Variants in SERINC2 observed in about 807,000 individuals in gnomAD.
SERINC2 encodes the protein serine incorporator 2, also known as tumor differentially expressed protein 2.
Under a neutral mutation model 54.2 loss-of-function variants are expected in SERINC2, and 56 were observed. The observed-to-expected ratio is 1.03, with a 90% CI of 0.83 to 1.29. SERINC2 has a LOEUF of 1.29. SERINC2 is among the 50% of genes most tolerant of loss of function. The pLI, the probability that SERINC2 is intolerant of heterozygous loss-of-function variation, is 0.00. For synonymous variants in SERINC2, 272 were observed against 253.1 expected, an observed-to-expected ratio of 1.07 and a Z score of -0.71; for missense variants, 614 against 607.4, an observed-to-expected ratio of 1.01 and a Z score of -0.12.
intron 8 of SERINC2, among the ~76,000 whole-genome samples, chr1:31,432,478 G>A (rs1207814589): frequency 2.0e-5 from 3 of 152,016 alleles, no homozygotes; most frequent in Non-Finnish European, 4.4e-5. Flanking sequence ...AAAACCACCT[G>A]ACACTAATAA....
intron 1 of SERINC2, among the ~76,000 whole-genome samples, chr1:31,417,420 T>C (rs782704802): frequency 1.3e-5 from 2 of 152,158 alleles, no homozygotes; most frequent in African/African-American, 2.4e-5. Flanking sequence ...TCAGCTGCCC[T>C]GAAAATACAG....
intron 1 of SERINC2, among the ~76,000 whole-genome samples, chr1:31,423,029 C>T (rs1381466104): frequency 6.6e-6 from 1 of 152,198 alleles, no homozygotes; most frequent in Admixed American, 6.5e-5. Context: ...TGGTACTATG[C>T]CAAACACTTC....
chr1:31,433,120 C>T lies in SERINC2; in HGVS notation c.1167C>T (p.Ser389=), dbSNP rs1553135071. 1.2e-6 allele frequency: 2 copies of T among 1,613,648 alleles called. No individual in the cohort carries two copies. The highest frequency in any genetic ancestry group is 8.5e-7 in the Non-Finnish European group (1 of 1,179,960). The part of the protein sequence containing the change: ...NEQDGVTYSY[S]FFHFCLVLAS... ...AGGACGGCGTCACCTACAGCTACTC[C>T]TTCTTCCACTTCTGCCTGGTGCTGG... The change falls in exon 9 of 10, where the codon TCC becomes TCT. Residue 389 remains serine, a synonymous_variant. Coordinates refer to ENST00000373709, the MANE Select transcript of SERINC2 (RefSeq NM_178865.5).
At chr1:31,425,001 C>G (rs1570045884) in intron 3 of SERINC2, 128 bp downstream of exon 3, 4 of 716,820 alleles carry the variant, frequency 5.6e-6, no homozygotes, top group East Asian at 5.4e-5. Context: ...GCATGGAGAA[C>G]AGCTCTGAGT....
chr1:31,423,052 C>A (rs529702044), intron 1 of SERINC2, among the ~76,000 whole-genome samples: 1 of 152,370 alleles, frequency 6.6e-6, no homozygotes, highest in African/African-American at 2.4e-5. Flanking sequence ...ATTCCTTCAA[C>A]AGATAGCCTG....
chr1:31,418,574 C>T (rs1196728234), intron 1 of SERINC2, among the ~76,000 whole-genome samples: 2 of 152,132 alleles, frequency 1.3e-5, no homozygotes, highest in African/African-American at 4.8e-5. Context: ...CGGGGTTTCA[C>T]CATGTTGGCA....
At chr1:31,430,462 A>T (rs544953908) in intron 8 of SERINC2, among the ~76,000 whole-genome samples, 1 of 151,964 alleles carries the variant, frequency 6.6e-6, no homozygotes, top group East Asian at 1.9e-4. Flanking sequence ...GCTTGGGCCC[A>T]GGAGTTCAAG....
At chr1:31,432,195 A>C (rs373148352) in intron 8 of SERINC2, among the ~76,000 whole-genome samples, 3 of 25,152 alleles carry the variant, frequency 1.2e-4, no homozygotes, top group African/African-American at 3.3e-4. Flanking sequence ...GGGTGGTTAG[A>C]GTGGAGAGAG....
chr1:31,425,877 A>G lies in SERINC2; in HGVS notation c.574A>G (p.Lys192Glu). 1 of 1,613,072 alleles carries G rather than the reference A, an allele frequency of 6.2e-7. No individual in the cohort carries two copies. Among genetic ancestry groups the G allele is most frequent in the Non-Finnish European group, 8.5e-7 (1 of 1,179,870 alleles). The change falls in exon 5 of 10, where the codon AAG (lysine) becomes GAG (glutamate). Residue 192 changes from lysine (K) to glutamate (E), a missense_variant. By Grantham distance (56) the Lys-to-Glu change is moderately conservative. Transcript: ENST00000373709. ...CTCCTGGAACCAGCGGTGGCTGGGC[A>G]AGGCCGAGGAGTGCGATTCCCGTGC... ...AHSWNQRWLG[K>E]AEECDSRAWY...
Position 31,434,198 on chromosome 1 carries a change from G to A in SERINC2, c.1367G>A (p.Ter456=), listed in dbSNP as rs782217000. 25 of 1,612,392 alleles carry A rather than the reference G, an allele frequency of 1.6e-5. No homozygotes were observed. The highest frequency in any genetic ancestry group is 1.6e-4 in the Middle Eastern group (1 of 6,082). The change falls in exon 10 of 10, where the codon TGA becomes TAA. Residue 456 remains the stop codon, a stop_retained_variant. Coordinates refer to ENST00000373709, the MANE Select transcript of SERINC2 (RefSeq NM_178865.5). ...PLLLRNRDFS[*] Reference sequence around the variant, plus strand: ...CTCCTGCGCAACCGCGACTTCAGCTGAGGCAGCCTCACAGCCTGCCATCTG... The same window carrying A: ...CTCCTGCGCAACCGCGACTTCAGCTAAGGCAGCCTCACAGCCTGCCATCTG...
At chr1:31,415,696 T>C (rs529848018) in intron 1 of SERINC2, among the ~76,000 whole-genome samples, 1 of 152,270 alleles carries the variant, frequency 6.6e-6, no homozygotes, top group African/African-American at 2.4e-5. Flanking sequence ...AGTGGTGTAG[T>C]TGGGCACTAC....
At chr1:31,431,821 G>A (rs1553134527) in intron 8 of SERINC2, among the ~76,000 whole-genome samples, 18 of 131,238 alleles carry the variant, frequency 1.4e-4, no homozygotes, top group African/African-American at 5.3e-4. Flanking sequence ...GGACAGGGTG[G>A]ATAGGGTGGA....
upstream of SERINC2, among the ~76,000 whole-genome samples, chr1:31,411,301 C>G (rs1037838244): frequency 6.6e-6 from 1 of 152,216 alleles, no homozygotes; most frequent in East Asian, 1.9e-4. Flanking sequence ...CCTTTCAGCT[C>G]TGTTTCTTCT....
Position 31,433,183 on chromosome 1 carries a change from C to T in SERINC2, c.1230C>T (p.Tyr410=), listed in dbSNP as rs1553135122. The T allele has an allele frequency of 3.7e-6, 6 of 1,612,844 alleles. No homozygotes were observed. Among genetic ancestry groups the T allele is most frequent in the Non-Finnish European group, 8.5e-7 (1 of 1,179,428 alleles). ...LHVMMTLTNW[Y]KPGETRKMIS... is the part of the protein sequence containing the mutation. ...TCATGATGACGCTCACCAACTGGTA[C>T]AAGTGCGTAGCTGGTGGGGCATGGA... The change falls in exon 9 of 10, where the codon TAC becomes TAT. Residue 410 remains tyrosine (Y), a splice_region_variant and synonymous_variant. Coordinates refer to ENST00000373709, the MANE Select transcript of SERINC2 (RefSeq NM_178865.5).
Position 31,425,316 on chromosome 1 carries a change from G to C in SERINC2, c.393-14G>C. 6.2e-7 allele frequency: 1 copy of C among 1,600,870 alleles called. No homozygotes were observed. The highest frequency in any genetic ancestry group is 8.6e-7 in the Non-Finnish European group (1 of 1,167,698). Reference sequence around the variant, plus strand: ...CACTCAGCTTCCTTGTCCATTCCCCGACCCCTTCTGTAGGTTTTGGTTCTT... The same window carrying C: ...CACTCAGCTTCCTTGTCCATTCCCCCACCCCTTCTGTAGGTTTTGGTTCTT... On this transcript the variant is annotated splice_polypyrimidine_tract_variant and intron_variant, in intron 3 of 9. Coordinates refer to ENST00000373709, the MANE Select transcript of SERINC2 (RefSeq NM_178865.5).
chr1:31,432,147 C>CAGGGTGGATAGGGTGGAT lies in SERINC2; in HGVS notation c.1014-812_1014-811insTAGGGTGGATAGGGTGGA. 4.2e-4 allele frequency among the ~76,000 whole-genome samples: 2 copies of CAGGGTGGATAGGGTGGAT among 4,772 alleles called. 1 individual carries two copies. Among genetic ancestry groups the CAGGGTGGATAGGGTGGAT allele is most frequent in the Non-Finnish European group, 7.9e-4 (2 of 2,520 alleles). 3.1% of individuals were successfully genotyped at this position (4,772 alleles called of 152,430 possible). On this transcript the variant is annotated intron_variant, in intron 8 of 9. Transcript: ENST00000373709. ...GGGTGGATAGGGTGGACAGGGTGGA[C>CAGGGTGGATAGGGTGGAT]AGGGTGGACAGGGTGGATAGGGTGG... is the stretch of plus-strand genomic sequence containing the variant.
In SERINC2 at chr1:31,413,499, C is replaced by T. The variant is rs1553131779; in HGVS notation, c.39+195C>T. 6.6e-6 allele frequency among the ~76,000 whole-genome samples: 1 copy of T among 152,078 alleles called. No individual in the cohort carries two copies. Among genetic ancestry groups the T allele is most frequent in the East Asian group, 1.9e-4 (1 of 5,152 alleles). ...ATCCCGCTGCCCCCGTCCCCCTGCT[C>T]AGTCCTGGCCGGCAGGCGCCGGGCA... is the stretch of plus-strand genomic sequence containing the variant. On this transcript the variant is annotated intron_variant, in intron 1 of 9. Coordinates refer to ENST00000373709, the MANE Select transcript of SERINC2 (RefSeq NM_178865.5). The surrounding 1 kb of genome is among the most constrained non-coding windows in gnomAD (Gnocchi z 5.0).
At position 31,413,330 on chromosome 1, in the gene SERINC2, C is replaced by T. The variant is rs1570020099; in HGVS notation, c.39+26C>T. 6.6e-6 allele frequency: 8 copies of T among 1,209,570 alleles called. No individual in the cohort carries two copies. The highest frequency in any genetic ancestry group is 7.3e-6 in the Non-Finnish European group (7 of 960,844). The allele number at this position is 1,209,570 out of a possible 1,614,324, so 74.9% of individuals were successfully genotyped here. On this transcript the variant is annotated intron_variant, in intron 1 of 9. Coordinates refer to ENST00000373709, the MANE Select transcript of SERINC2 (RefSeq NM_178865.5). This position sits in a 1 kb window ranked among gnomAD's most constrained non-coding sequence, Gnocchi z 5.0. Reference sequence around the variant, plus strand: ...GTGAGTCCCGACCCCGGCGCCCGCCCGCGCGCGCCGCCCGTTCCTGCTGCG... The same window carrying T: ...GTGAGTCCCGACCCCGGCGCCCGCCTGCGCGCGCCGCCCGTTCCTGCTGCG...
chr1:31,432,841 G>A lies in SERINC2; in HGVS notation c.1014-126G>A. On this transcript the variant is annotated intron_variant, in intron 8 of 9. Coordinates refer to ENST00000373709, the MANE Select transcript of SERINC2 (RefSeq NM_178865.5). ...GGTAGGGGTAGAGTTGAGAGGCAAA[G>A]CAGTTTGTTAACTCCCAGGCCCAGT... 4.4e-6 allele frequency: 3 copies of A among 687,014 alleles called. No individual in the cohort carries two copies. The South Asian group carries it at 5.5e-5, about 13-fold the overall frequency. 42.6% of individuals were successfully genotyped at this position (687,014 alleles called of 1,614,324 possible). A position where few individuals can be genotyped will look rare whatever the true frequency, so the allele number is the denominator to read the frequency against.
Sources: gnomAD v4.1 joint callset for allele counts (sites outside exome capture counted in the v4.1 genomes callset) on GRCh38, gnomAD v4.1.1 for gene constraint, Gnocchi (gnomAD v3.1) non-coding constraint, MANE v1.5 for transcripts, NCBI Gene and HGNC (gene_info 2026-07-23, HGNC 2026-07-21) for gene names.